MFHAS1: variants seen among roughly 807,000 people sequenced by gnomAD.
MFHAS1 encodes the protein malignant fibrous histiocytoma-amplified sequence 1.
A neutral mutation model predicts 70.4 loss-of-function variants in MFHAS1; 50 were observed. The observed-to-expected ratio is 0.71, with a 90% CI of 0.57 to 0.90. The LOEUF (loss-of-function observed/expected upper bound fraction) is 0.90, where lower values mean the gene tolerates loss of function less well. Among genes scored for constraint, MFHAS1 ranks in the 40% least tolerant of loss-of-function variants. The pLI is 0.00. For synonymous variants in MFHAS1, 952 were observed against 620.0 expected (o/e 1.54, Z -7.96); for missense variants, 1,795 against 1,347.6 (o/e 1.33, Z -5.20).
At chr8:8,880,642 C>T (rs1715319769) in intron 1 of MFHAS1, among the ~76,000 whole-genome samples, 1 of 151,592 alleles carries the variant, frequency 6.6e-6, no homozygotes, top group African/African-American at 2.4e-5. Context: ...AGGCTGGGTG[C>T]TGGGGGCTGT....
At chr8:8,823,898 T>A (rs938491009) in intron 1 of MFHAS1, among the ~76,000 whole-genome samples, 1 of 126,724 alleles carries the variant, frequency 7.9e-6, no homozygotes, top group African/African-American at 2.9e-5. Context: ...AATGTATGAG[T>A]GAGCGCTCAC....
chr8:8,813,269 A>G (rs542260991), intron 1 of MFHAS1, among the ~76,000 whole-genome samples: 103 of 152,364 alleles, frequency 6.8e-4, no homozygotes, highest in African/African-American at 2.4e-3. Context: ...TGTACAGTAT[A>G]TAATAACAAA....
chr8:8,836,550 G>GT (rs1338403665), intron 1 of MFHAS1, among the ~76,000 whole-genome samples: 1 of 151,948 alleles, frequency 6.6e-6, no homozygotes, highest in Non-Finnish European at 1.5e-5. Context: ...AGCCAATTTT[G>GT]TTTTTTCTGT....
chr8:8,827,140 C>T (rs185132501), intron 1 of MFHAS1, among the ~76,000 whole-genome samples: 7 of 152,234 alleles, frequency 4.6e-5, no homozygotes, highest in Admixed American at 3.9e-4. Context: ...CTAGTTAGTA[C>T]GTAGAGAATT....
rs538238726 is a variant in MFHAS1 at position 8,869,404 on chromosome 8, C to A, written c.2998+20657G>T. Among the ~76,000 whole-genome samples the A allele has an allele frequency of 2.0e-5, 3 of 152,284 alleles. No homozygotes were observed. The South Asian group carries it at 6.2e-4, about 32-fold the overall frequency. On this transcript the variant is annotated intron_variant, in intron 1 of 2. Transcript: ENST00000276282. ...CATACATAATTCATCATGCCAAGCA[C>A]GCGACAATCAGCATCATTTATCTTT... is the stretch of plus-strand genomic sequence containing the variant.
intron 1 of MFHAS1, among the ~76,000 whole-genome samples, chr8:8,872,299 G>A (rs781685415): frequency 3.3e-5 from 5 of 152,130 alleles, no homozygotes; most frequent in African/African-American, 7.2e-5. Context: ...TTTACAGTGG[G>A]TTATGATCTC....
intron 1 of MFHAS1, among the ~76,000 whole-genome samples, chr8:8,844,452 G>A (rs755966489): frequency 4.6e-5 from 7 of 152,150 alleles, no homozygotes; most frequent in Non-Finnish European, 8.8e-5. Flanking sequence ...ATAAGCCTAG[G>A]CATATACACA....
At chr8:8,830,664 G>A (rs1410079147) in intron 1 of MFHAS1, among the ~76,000 whole-genome samples, 4 of 152,170 alleles carry the variant, frequency 2.6e-5, no homozygotes, top group African/African-American at 9.7e-5. Context: ...GTGCAGTGGT[G>A]TGATCTTGGC....
chr8:8,810,671 C>A (rs1451209310), intron 1 of MFHAS1, among the ~76,000 whole-genome samples: 1 of 152,134 alleles, frequency 6.6e-6, no homozygotes, highest in Non-Finnish European at 1.5e-5. Context: ...ATACGAAATA[C>A]ATGCTGATGA....
chr8:8,806,705 A>G (rs953408724), intron 1 of MFHAS1, among the ~76,000 whole-genome samples: 5 of 152,212 alleles, frequency 3.3e-5, no homozygotes, highest in Non-Finnish European at 7.3e-5. Context: ...CCAGGCCTGT[A>G]ATCCCAGCAC....
chr8:8,891,495 G>C lies in MFHAS1; in HGVS notation c.1564C>G (p.Arg522Gly). 6.2e-7 allele frequency: 1 copy of C among 1,613,094 alleles called. No individual in the cohort carries two copies. The highest frequency in any genetic ancestry group is 8.5e-7 in the Non-Finnish European group (1 of 1,180,026). ...GCGTGGGGCACTCTCGCCCCGACCC[G>C]ATGCAAGAAGGAGCCCACGGTGGTA... ...FPTTVGSFLH[R>G]VGARVPHAVV... The change falls in exon 1 of 3, where the codon CGG becomes GGG. Residue 522 changes from arginine (R) to glycine (G), a missense_variant. Coordinates refer to ENST00000276282, the MANE Select transcript of MFHAS1 (RefSeq NM_004225.3). The surrounding 1 kb of genome is among the most constrained non-coding windows in gnomAD (Gnocchi z 5.4).
At chr8:8,835,014 G>A (rs1460783200) in intron 1 of MFHAS1, among the ~76,000 whole-genome samples, 1 of 152,146 alleles carries the variant, frequency 6.6e-6, no homozygotes, top group East Asian at 1.9e-4. Flanking sequence ...AAGGCACTGT[G>A]AACCAAGGAA....
chr8:8,808,936 G>A (rs1806440987), intron 1 of MFHAS1, among the ~76,000 whole-genome samples: 1 of 152,132 alleles, frequency 6.6e-6, no homozygotes, highest in Admixed American at 6.5e-5. Context: ...TGAGTGGTAG[G>A]TGAGCAGGCA....
chr8:8,828,725 G>A lies in MFHAS1; in HGVS notation c.2999-31234C>T, dbSNP rs564045522. On this transcript the variant is annotated intron_variant, in intron 1 of 2. Coordinates refer to ENST00000276282, the MANE Select transcript of MFHAS1 (RefSeq NM_004225.3). The stretch of plus-strand genomic sequence containing the variant: ...ACTCTGTAATGCGGGCAAGGCCCAC[G>A]CCACCTTTATCTGTGCAGTCCTCAC... Among the ~76,000 whole-genome samples the A allele has an allele frequency of 3.3e-5, 5 of 152,312 alleles. No homozygotes were observed. In the East Asian group the frequency reaches 7.7e-4, roughly 23 times the overall value.
In MFHAS1 at chr8:8,890,691, C is replaced by T. The variant is rs776393845; in HGVS notation, c.2368G>A (p.Glu790Lys). 1 of 1,613,534 alleles carries T rather than the reference C, an allele frequency of 6.2e-7. No individual in the cohort carries two copies. The highest frequency in any genetic ancestry group is 1.3e-5 in the African/African-American group (1 of 74,936). ...LRATQLHQYVEGFLLHGLLPA... is the reference protein window; with the variant it reads ...LRATQLHQYVKGFLLHGLLPA... Reference sequence around the variant, plus strand: ...AAGAGCCCATGCAACAGAAAGCCCTCCACATACTGATGGAGCTGGGTGGCC... The same window carrying T: ...AAGAGCCCATGCAACAGAAAGCCCTTCACATACTGATGGAGCTGGGTGGCC... Residue 790 changes from glutamate to lysine, a missense_variant, in exon 1 of 3, where the codon GAG (glutamate) becomes AAG (lysine). Glu to Lys is a moderately conservative substitution (Grantham distance 56, BLOSUM62 1). Transcript: ENST00000276282.
chr8:8,856,521 C>G (rs1325530283), intron 1 of MFHAS1, among the ~76,000 whole-genome samples: 1 of 152,148 alleles, frequency 6.6e-6, no homozygotes, highest in East Asian at 1.9e-4. Context: ...TCAGGTGAGG[C>G]TTTGGGATCC....
chr8:8,831,719 G>A (rs1014009909), intron 1 of MFHAS1, among the ~76,000 whole-genome samples: 8 of 150,452 alleles, frequency 5.3e-5, no homozygotes, highest in African/African-American at 2.0e-4. Flanking sequence ...AGCGATTCTT[G>A]TGCCTCAGCC....
At chr8:8,848,095 G>C (rs1423784878) in intron 1 of MFHAS1, among the ~76,000 whole-genome samples, 2 of 152,178 alleles carry the variant, frequency 1.3e-5, no homozygotes, top group East Asian at 1.9e-4. Context: ...CAATCATCTG[G>C]GACGGCTGCT....
intron 1 of MFHAS1, among the ~76,000 whole-genome samples, chr8:8,853,774 C>G (rs1808331324): frequency 6.6e-6 from 1 of 152,144 alleles, no homozygotes; most frequent in Admixed American, 6.5e-5. Context: ...CTATGTTGGG[C>G]AGGCTAGTCT....
Sources: gnomAD v4.1 joint callset for allele counts (sites outside exome capture counted in the v4.1 genomes callset) on GRCh38, gnomAD v4.1.1 for gene constraint, Gnocchi (gnomAD v3.1) non-coding constraint, MANE v1.5 for transcripts, NCBI Gene and HGNC (gene_info 2026-07-23, HGNC 2026-07-21) for gene names.